ZFAND3: variants seen among roughly 807,000 people sequenced by gnomAD.
ZFAND3 encodes zinc finger AN1-type containing 3.
Under a neutral mutation model 29.6 loss-of-function variants are expected in ZFAND3, and 10 were observed. The ratio of observed to expected loss-of-function variants is 0.34; its 90% CI spans 0.21 to 0.57. The LOEUF (loss-of-function observed/expected upper bound fraction) is 0.57. Ranked by LOEUF, ZFAND3 falls within the 20% of genes least tolerant of loss-of-function variation. The pLI is 0.86. For missense variants in ZFAND3, 230 were observed against 304.5 expected, an observed-to-expected ratio of 0.76 and a Z score of 1.82; for synonymous variants, 128 against 112.6, an observed-to-expected ratio of 1.14 and a Z score of -0.87.
chr6:38,064,196 A>T (rs1011050573), intron 3 of ZFAND3, among the ~76,000 whole-genome samples: 13 of 152,192 alleles, frequency 8.5e-5, no homozygotes, highest in African/African-American at 2.9e-4. Context: ...ATCTCATCTG[A>T]TGGAAACTGG....
At chr6:38,116,796 C>T in intron 5 of ZFAND3, 57 bp downstream of exon 5, 1 of 1,557,226 alleles carries the variant, frequency 6.4e-7, no homozygotes, top group South Asian at 1.2e-5. Flanking sequence ...CTTGGCCCAG[C>T]TTTGGAAATT....
rs1562016184 is a variant in ZFAND3 at position 38,144,226 on chromosome 6, TATA to T, written c.530-8008_530-8006del. 1.3e-3 allele frequency among the ~76,000 whole-genome samples: 97 copies of T among 76,694 alleles called. 7 individuals carry two copies. Among genetic ancestry groups the T allele is most frequent in the East Asian group, 7.9e-3 (30 of 3,792 alleles). 50.3% of individuals were successfully genotyped at this position (76,694 alleles called of 152,430 possible). A position where few individuals can be genotyped will look rare whatever the true frequency, so the allele number is the denominator to read the frequency against. On this transcript the variant is annotated intron_variant, in intron 5 of 5. Transcript: ENST00000287218. ...ATATATATATAATATATAATATATA[TATA>T]TATTTTTTTTTTAATAAGGTTGCTT...
At chr6:38,138,616 TGAG>T (rs1765888941) in intron 5 of ZFAND3, among the ~76,000 whole-genome samples, 1 of 152,152 alleles carries the variant, frequency 6.6e-6, no homozygotes, top group Non-Finnish European at 1.5e-5. Flanking sequence ...GACATTTGCA[TGAG>T]AAGAGGTGCA....
intron 2 of ZFAND3, among the ~76,000 whole-genome samples, chr6:38,051,341 T>A (rs1764021770): frequency 1.3e-5 from 2 of 152,260 alleles, no homozygotes; most frequent in Admixed American, 1.3e-4. Flanking sequence ...GGTGCTAACC[T>A]GCTGTTTTTG....
intron 1 of ZFAND3, among the ~76,000 whole-genome samples, chr6:37,830,932 T>G (rs1385230830): frequency 6.6e-6 from 1 of 151,740 alleles, no homozygotes; most frequent in Non-Finnish European, 1.5e-5. Flanking sequence ...TGGGACCTTT[T>G]CTTATTTGCT....
intron 3 of ZFAND3, among the ~76,000 whole-genome samples, chr6:38,065,723 A>G (rs1477264182): frequency 1.3e-5 from 2 of 152,186 alleles, no homozygotes; most frequent in African/African-American, 2.4e-5. Context: ...TCTAGAGCCT[A>G]TGCTTTCAGT....
At chr6:38,020,891 C>T (rs1763337936) in intron 2 of ZFAND3, among the ~76,000 whole-genome samples, 1 of 151,358 alleles carries the variant, frequency 6.6e-6, no homozygotes. Flanking sequence ...GTGTAGGGAG[C>T]CAAAGGATGC....
At chr6:38,144,208 TATA>T (rs1366503234) in intron 5 of ZFAND3, among the ~76,000 whole-genome samples, 41 of 43,450 alleles carry the variant, frequency 9.4e-4, no homozygotes, top group Non-Finnish European at 1.2e-3. Flanking sequence ...TATATATATA[TATA>T]ATATATAATA....
intron 2 of ZFAND3, among the ~76,000 whole-genome samples, chr6:38,054,595 T>C (rs191400838): frequency 3.7e-4 from 56 of 151,848 alleles, no homozygotes; most frequent in African/African-American, 1.3e-3. Context: ...CCATGAGAGG[T>C]TGGGTGAGAA....
chr6:37,912,071 T>TGTGTGTGTGTGA (rs1260628226), intron 1 of ZFAND3, among the ~76,000 whole-genome samples: 1 of 142,452 alleles, frequency 7.0e-6, no homozygotes, highest in African/African-American at 2.5e-5. Flanking sequence ...TGTGTGTGTG[T>TGTGTGTGTGTGA]GATGGTGTAG....
Position 37,819,908 on chromosome 6 carries a change from A to ACCGCTG in ZFAND3, c.-33_-28dup. 2 of 1,158,470 alleles carry ACCGCTG rather than the reference A, an allele frequency of 1.7e-6. No individual in the cohort carries two copies. The highest frequency in any genetic ancestry group is 2.1e-6 in the Non-Finnish European group (2 of 935,586). 71.8% of individuals were successfully genotyped at this position (1,158,470 alleles called of 1,614,324 possible). On this transcript the variant is annotated 5_prime_UTR_variant, in exon 1 of 6. Transcript: ENST00000287218. ...GCGGGGCCCGGGCCCAGCCGCCGCC[A>ACCGCTG]CCGCTGCCGCCGCCGAGCTCCGCCG...
At chr6:37,998,564 G>A (rs1001806384) in intron 2 of ZFAND3, among the ~76,000 whole-genome samples, 1 of 152,102 alleles carries the variant, frequency 6.6e-6, no homozygotes, top group African/African-American at 2.4e-5. Context: ...AAAAAATGCT[G>A]AACTAAGTAA....
chr6:37,980,312 T>C (rs1762558168), intron 2 of ZFAND3, among the ~76,000 whole-genome samples: 1 of 152,358 alleles, frequency 6.6e-6, no homozygotes, highest in South Asian at 2.1e-4. Flanking sequence ...ACATTTTGTT[T>C]AAGGACCTTG....
chr6:38,019,076 C>A (rs1763301069), intron 2 of ZFAND3, among the ~76,000 whole-genome samples: 1 of 152,100 alleles, frequency 6.6e-6, no homozygotes, highest in South Asian at 2.1e-4. Flanking sequence ...AATTCTGTCT[C>A]AGCCTCCCAA....
intron 2 of ZFAND3, among the ~76,000 whole-genome samples, chr6:38,032,233 G>C (rs1248357376): frequency 6.6e-6 from 1 of 152,092 alleles, no homozygotes; most frequent in Non-Finnish European, 1.5e-5. Context: ...CAATATAATA[G>C]TTACAAGATT....
intron 2 of ZFAND3, among the ~76,000 whole-genome samples, chr6:38,042,065 T>G (rs1763800535): frequency 6.6e-6 from 1 of 151,002 alleles, no homozygotes; most frequent in African/African-American, 2.4e-5. Context: ...CTTGAACTCC[T>G]GGCTGCAGGT....
At chr6:37,826,564 A>G in intron 1 of ZFAND3, among the ~76,000 whole-genome samples, 1 of 152,008 alleles carries the variant, frequency 6.6e-6, no homozygotes, top group East Asian at 1.9e-4. Flanking sequence ...GACCAGCCTG[A>G]ACAACATGGT....
chr6:38,078,717 G>A (rs930702643), intron 3 of ZFAND3, among the ~76,000 whole-genome samples: 2 of 151,926 alleles, frequency 1.3e-5, no homozygotes, highest in African/African-American at 4.8e-5. Flanking sequence ...CCTCAGTCCC[G>A]GTCAACACAC....
At chr6:37,860,552 T>G (rs2127383519) in intron 1 of ZFAND3, among the ~76,000 whole-genome samples, 1 of 152,192 alleles carries the variant, frequency 6.6e-6, no homozygotes, top group African/African-American at 2.4e-5. Flanking sequence ...GGGGTATCAT[T>G]TTGAGTAAGA....
Sources: gnomAD v4.1 joint callset for allele counts (sites outside exome capture counted in the v4.1 genomes callset) on GRCh38, gnomAD v4.1.1 for gene constraint, MANE v1.5 for transcripts, NCBI Gene and HGNC (gene_info 2026-07-23, HGNC 2026-07-21) for gene names.